The following BMP7 variants were observed in gnomAD, a reference collection of about 807,000 sequenced individuals.
BMP7 encodes the protein osteogenic protein 1.
A neutral mutation model predicts 41.2 loss-of-function variants in BMP7; 12 were observed. That is an observed-to-expected ratio of 0.29 (90% CI 0.19 to 0.47). The LOEUF (loss-of-function observed/expected upper bound fraction) is 0.47. BMP7 is among the 20% of genes least tolerant of loss of function. The probability of loss-of-function intolerance (pLI) is 0.99; values close to 1 mark genes in which losing one functional copy is unlikely to be tolerated. For synonymous variants in BMP7, 248 were observed against 250.0 expected (o/e 0.99, Z 0.07); for missense variants, 467 against 606.0 (o/e 0.77, Z 2.41).
rs2123089722 is a variant in BMP7, at chr20:57,202,459, T to C, written c.760+16A>G. On this transcript the variant is annotated intron_variant, in intron 3 of 6. Transcript: ENST00000395863. The stretch of plus-strand genomic sequence containing the variant: ...GCACAGGCTGCATTAGGACTGGCAG[T>C]GGCCGGGGGACTCACCATCCAGCGT... The C allele has an allele frequency of 6.2e-7, 1 of 1,601,290 alleles. No individual in the cohort carries two copies. The highest frequency in any genetic ancestry group is 2.2e-5 in the East Asian group (1 of 44,804).
chr20:57,188,300 A>C (rs1984267063), intron 3 of BMP7, among the ~76,000 whole-genome samples: 1 of 152,230 alleles, frequency 6.6e-6, no homozygotes, highest in South Asian at 2.1e-4. Flanking sequence ...CCATGATACA[A>C]CACGGACAAA....
intron 1 of BMP7, among the ~76,000 whole-genome samples, chr20:57,232,309 G>A (rs1303433363): frequency 6.6e-6 from 1 of 152,186 alleles, no homozygotes; most frequent in African/African-American, 2.4e-5. Context: ...ATTTGAGTCT[G>A]CCATTGTTAC....
chr20:57,181,686 A>T (rs949226637), intron 4 of BMP7, among the ~76,000 whole-genome samples: 4 of 152,134 alleles, frequency 2.6e-5, no homozygotes, highest in African/African-American at 4.8e-5. Flanking sequence ...GCTCTAGGGG[A>T]GGATCCCTTC....
Position 57,213,397 on chromosome 20 carries a change from A to G in BMP7, c.612-10774T>C, listed in dbSNP as rs1025051296. Among the ~76,000 whole-genome samples, 1 of 152,196 alleles carries G rather than the reference A, an allele frequency of 6.6e-6. No individual in the cohort carries two copies. The highest frequency in any genetic ancestry group is 1.5e-5 in the Non-Finnish European group (1 of 68,034). ...AAGAGAGGAAAATGAGAGGATCAAA[A>G]ATCCAAAATGCTCTGTGGTGAAATG... On this transcript the variant is annotated intron_variant, in intron 2 of 6. Coordinates refer to ENST00000395863, the MANE Select transcript of BMP7 (RefSeq NM_001719.3). This position sits in a 1 kb window ranked among gnomAD's most constrained non-coding sequence, Gnocchi z 4.4.
At position 57,266,266 on chromosome 20, in the gene BMP7, C is replaced by T; in HGVS notation, c.-144G>A. 1.3e-6 allele frequency: 1 copy of T among 790,678 alleles called. No individual in the cohort carries two copies. The highest frequency in any genetic ancestry group is 1.7e-6 in the Non-Finnish European group (1 of 580,490). The allele number at this position is 790,678 out of a possible 1,614,324, so 49.0% of individuals were successfully genotyped here. On this transcript the variant is annotated 5_prime_UTR_variant, in exon 1 of 7. Coordinates refer to ENST00000395863, the MANE Select transcript of BMP7 (RefSeq NM_001719.3). ...CGCCCGCGCCAGACATGGCCCCTCC[C>T]CGGCCGGCCGCGCTCTGCCCGGACC...
chr20:57,204,864 T>C (rs1984696329), intron 2 of BMP7, among the ~76,000 whole-genome samples: 1 of 152,222 alleles, frequency 6.6e-6, no homozygotes, highest in South Asian at 2.1e-4. Flanking sequence ...TGTTTTGTCC[T>C]TCCCAAGACT....
At chr20:57,231,997 C>T (rs910073712) in intron 1 of BMP7, among the ~76,000 whole-genome samples, 9 of 152,360 alleles carry the variant, frequency 5.9e-5, no homozygotes, top group South Asian at 4.1e-4. Flanking sequence ...TGAGACAGGA[C>T]TGATCCCCAT....
At chr20:57,263,924 G>C (rs2066163419) in intron 1 of BMP7, among the ~76,000 whole-genome samples, 1 of 151,780 alleles carries the variant, frequency 6.6e-6, no homozygotes, top group Non-Finnish European at 1.5e-5. Context: ...TCTCTCTCCA[G>C]TTCCTGGTGT....
Position 57,265,693 on chromosome 20 carries a change from G to A in BMP7, c.418+12C>T, listed in dbSNP as rs149276258. On this transcript the variant is annotated intron_variant, in intron 1 of 6. Coordinates refer to ENST00000395863, the MANE Select transcript of BMP7 (RefSeq NM_001719.3). ...CGAAAGGAGACGCGTACCCTCGCCT[G>A]CCCTTACTCACCGAGGTTGACGAAG... The A allele has an allele frequency of 3.7e-4, 585 of 1,595,632 alleles. 11 individuals carry two copies. In the East Asian group the frequency reaches 0.013, roughly 36 times the overall value.
chr20:57,186,921 T>C (rs1275337414), intron 3 of BMP7: 3 of 152,250 alleles, frequency 2.0e-5, no homozygotes, highest in Non-Finnish European at 2.9e-5. Flanking sequence ...TTCACCCATC[T>C]ATAATTTGAA....
chr20:57,183,072 T>C (rs766495050), intron 4 of BMP7, among the ~76,000 whole-genome samples: 1 of 152,092 alleles, frequency 6.6e-6, no homozygotes, highest in Non-Finnish European at 1.5e-5. Flanking sequence ...CCGTCTCTAC[T>C]AAAAATACAA....
At chr20:57,262,019 G>A (rs763083336) in intron 1 of BMP7, among the ~76,000 whole-genome samples, 13 of 152,166 alleles carry the variant, frequency 8.5e-5, no homozygotes, top group Admixed American at 8.5e-4. Context: ...AATAATGATA[G>A]GTTTCCAACT....
At chr20:57,249,406 G>T (rs1164795122) in intron 1 of BMP7, among the ~76,000 whole-genome samples, 1 of 152,068 alleles carries the variant, frequency 6.6e-6, no homozygotes, top group Non-Finnish European at 1.5e-5. Flanking sequence ...CTGGGAGAAG[G>T]AACTCAGCCA....
chr20:57,266,186 G>T lies in BMP7; in HGVS notation c.-64C>A. On this transcript the variant is annotated 5_prime_UTR_variant, in exon 1 of 7. Coordinates refer to ENST00000395863, the MANE Select transcript of BMP7 (RefSeq NM_001719.3). ...GGCCCGCACCGCCCCAGGTGGCAGA[G>T]GGGGCAGGCGGCCGTCCGCGCCGCT... The T allele has an allele frequency of 3.6e-6, 5 of 1,384,470 alleles. No homozygotes were observed. Among genetic ancestry groups the T allele is most frequent in the Non-Finnish European group, 4.6e-6 (5 of 1,076,066 alleles). The allele number at this position is 1,384,470 out of a possible 1,614,324, so 85.8% of individuals were successfully genotyped here.
chr20:57,173,566 G>A (rs987189567), intron 5 of BMP7: 8 of 581,866 alleles, frequency 1.4e-5, no homozygotes, highest in South Asian at 4.0e-5. Context: ...GTGGGAAGAC[G>A]GCTCAAAGCT....
chr20:57,239,684 A>G (rs998981492), intron 1 of BMP7, among the ~76,000 whole-genome samples: 4 of 152,232 alleles, frequency 2.6e-5, no homozygotes, highest in Non-Finnish European at 4.4e-5. Flanking sequence ...GCATCCAGGC[A>G]TTTCCATACA....
chr20:57,234,073 GT>G (rs1201532597), intron 1 of BMP7, among the ~76,000 whole-genome samples: 1 of 152,056 alleles, frequency 6.6e-6, no homozygotes, highest in Non-Finnish European at 1.5e-5. Context: ...CCTTGCCCAT[GT>G]CCCCCCACCC....
chr20:57,265,031 C>CG (rs1257416675), intron 1 of BMP7, among the ~76,000 whole-genome samples: 4 of 74,520 alleles, frequency 5.4e-5, no homozygotes, highest in Non-Finnish European at 9.0e-5. Context: ...AACTCCGTCT[C>CG]AAAAAAAAAA....
chr20:57,173,578 C>T (rs911203880), intron 5 of BMP7: 2 of 566,288 alleles, frequency 3.5e-6, no homozygotes, highest in Non-Finnish European at 6.3e-6. Flanking sequence ...CTCAAAGCTG[C>T]GGTGAGCTAT....
Sources: allele counts gnomAD v4.1 joint callset (sites outside exome capture counted in the v4.1 genomes callset), GRCh38; gene constraint gnomAD v4.1.1; non-coding constraint Gnocchi (gnomAD v3.1); transcripts MANE v1.5; gene names NCBI Gene and HGNC (gene_info 2026-07-23, HGNC 2026-07-21).